PCDHA3: variants seen among roughly 807,000 people sequenced by gnomAD.
PCDHA3 encodes the protein protocadherin alpha-3.
PCDHA3 carries 41 observed loss-of-function variants against 62.2 expected under a neutral mutation model. The observed-to-expected ratio is 0.66, with a 90% CI of 0.51 to 0.86. The LOEUF (loss-of-function observed/expected upper bound fraction) is 0.86. Among genes scored for constraint, PCDHA3 ranks in the 40% least tolerant of loss-of-function variants. The pLI is 0.00. For synonymous variants in PCDHA3, 640 were observed against 555.4 expected (o/e 1.15, Z -2.14); for missense variants, 1,304 against 1,241.2 (o/e 1.05, Z -0.76).
intron 1 of PCDHA3, among the ~76,000 whole-genome samples, chr5:140,937,761 A>C (rs868923892): frequency 6.6e-6 from 1 of 151,650 alleles, no homozygotes; most frequent in Non-Finnish European, 1.5e-5. Flanking sequence ...AAATACAAAA[A>C]ATTAGTCGGG....
At chr5:140,828,229 C>A in intron 1 of PCDHA3, 1 of 1,613,968 alleles carries the variant, frequency 6.2e-7, no homozygotes, top group Non-Finnish European at 8.5e-7. Context: ...CCTTCGTGGG[C>A]CGGATCGCGC....
At chr5:140,967,519 C>T (rs147791062) in intron 1 of PCDHA3, 1 of 1,612,804 alleles carries the variant, frequency 6.2e-7, no homozygotes, top group Non-Finnish European at 8.5e-7. Flanking sequence ...TGGACACTAA[C>T]GACAACTCTC....
chr5:140,857,959 T>G, intron 1 of PCDHA3: 1 of 1,597,228 alleles, frequency 6.3e-7, no homozygotes, highest in Non-Finnish European at 8.6e-7. Context: ...GCGCTCTGGA[T>G]GAGACTGACT....
intron 1 of PCDHA3, among the ~76,000 whole-genome samples, chr5:140,934,191 C>T (rs563342404): frequency 6.6e-6 from 1 of 152,224 alleles, no homozygotes; most frequent in African/African-American, 2.4e-5. Flanking sequence ...ACATACTTTT[C>T]ATTTCTATTT....
At chr5:140,808,138 A>G in intron 1 of PCDHA3, 1 of 1,614,100 alleles carries the variant, frequency 6.2e-7, no homozygotes, top group Non-Finnish European at 8.5e-7. Context: ...AATCCTATGA[A>G]ATTATTGTAG....
chr5:140,853,741 G>C, intron 1 of PCDHA3: 1 of 988,438 alleles, frequency 1.0e-6, no homozygotes, highest in East Asian at 1.1e-4. Flanking sequence ...TGAATGTTCT[G>C]GTTCAAGGCT....
chr5:140,884,764 T>C (rs2060348326), intron 1 of PCDHA3: 1 of 1,417,012 alleles, frequency 7.1e-7, no homozygotes, highest in Non-Finnish European at 9.3e-7. Flanking sequence ...TATTCTTTAC[T>C]TTAATTTTAA....
At chr5:140,880,514 T>A (rs2058367516) in intron 1 of PCDHA3, among the ~76,000 whole-genome samples, 1 of 152,198 alleles carries the variant, frequency 6.6e-6, no homozygotes, top group African/African-American at 2.4e-5. Context: ...TTTGGTCACA[T>A]CTCTCAATGT....
Position 140,842,124 on chromosome 5 carries a change from A to T in PCDHA3, c.2394+38533A>T, listed in dbSNP as rs2150329759. The T allele has an allele frequency of 4.0e-5, 65 of 1,613,768 alleles. 1 individual carries two copies. The highest frequency in any genetic ancestry group is 2.8e-4 in the Admixed American group (17 of 59,988). The stretch of plus-strand genomic sequence containing the variant: ...ACAGTTATCAAACTGAATGCTTCTG[A>T]TCCGGATGAAGGAGCCAATGGGGCA... On this transcript the variant is annotated intron_variant, in intron 1 of 3. Coordinates refer to ENST00000522353, the MANE Select transcript of PCDHA3 (RefSeq NM_018906.3).
At chr5:140,880,068 A>G (rs2058226577) in intron 1 of PCDHA3, among the ~76,000 whole-genome samples, 1 of 152,252 alleles carries the variant, frequency 6.6e-6, no homozygotes, top group South Asian at 2.1e-4. Flanking sequence ...TTTGGGGACC[A>G]CAATTCAACC....
rs200693140 is a variant in PCDHA3, at chr5:140,850,298, G to A, written c.2394+46707G>A. 1.0e-5 allele frequency: 16 copies of A among 1,596,354 alleles called. 2 individuals are homozygous for A. The South Asian group carries it at 1.3e-4, about 13-fold the overall frequency. On this transcript the variant is annotated intron_variant, in intron 1 of 3. Coordinates refer to ENST00000522353, the MANE Select transcript of PCDHA3 (RefSeq NM_018906.3). Reference sequence around the variant, plus strand: ...AGGTGCGCGCAGTGGACGCCGACTCGGGCTACAACGCGTGGCTTTCATACG... The same window carrying A: ...AGGTGCGCGCAGTGGACGCCGACTCAGGCTACAACGCGTGGCTTTCATACG...
At chr5:140,824,207 A>C (rs2150133206) in intron 1 of PCDHA3, 34 of 1,587,454 alleles carry the variant, frequency 2.1e-5, no homozygotes, top group Non-Finnish European at 1.8e-5. Context: ...CTTTTTTTGT[A>C]TTTAAAAATT....
chr5:140,997,817 A>G (rs570760153), intron 3 of PCDHA3, among the ~76,000 whole-genome samples: 2 of 152,306 alleles, frequency 1.3e-5, no homozygotes, highest in South Asian at 4.1e-4. Flanking sequence ...GTTGGTATCT[A>G]TGTTTTCTAA....
intron 1 of PCDHA3, among the ~76,000 whole-genome samples, chr5:140,910,952 G>A (rs1188072199): frequency 3.3e-5 from 5 of 152,082 alleles, no homozygotes; most frequent in African/African-American, 1.2e-4. Context: ...TTCTTTTCGA[G>A]TGTAGCACAC....
At chr5:140,849,840 AACG>A in intron 1 of PCDHA3, 4 of 1,598,334 alleles carry the variant, frequency 2.5e-6, no homozygotes, top group Non-Finnish European at 3.4e-6. Flanking sequence ...GGCCGACGTG[AACG>A]ACAACGCACC....
chr5:140,998,446 T>C (rs1266567801), intron 3 of PCDHA3, among the ~76,000 whole-genome samples: 1 of 152,248 alleles, frequency 6.6e-6, no homozygotes, highest in African/African-American at 2.4e-5. Flanking sequence ...TTATTGTATT[T>C]ATTCATTTAC....
chr5:140,857,558 T>A (rs782138602), intron 1 of PCDHA3: 1 of 1,596,966 alleles, frequency 6.3e-7, no homozygotes, highest in Non-Finnish European at 8.6e-7. Flanking sequence ...GCGCTCGCTG[T>A]CGAGCTACGT....
chr5:140,847,794 A>G (rs1581138286), intron 1 of PCDHA3: 1 of 149,890 alleles, frequency 6.7e-6, no homozygotes, highest in Admixed American at 6.7e-5. Context: ...GCAATATTTT[A>G]TACCTTTTCA....
chr5:140,915,937 G>A (rs782632336), intron 1 of PCDHA3, among the ~76,000 whole-genome samples: 7 of 152,104 alleles, frequency 4.6e-5, no homozygotes, highest in African/African-American at 7.2e-5. Flanking sequence ...GTCAGGGATT[G>A]GAGTCAAAAT....
Sources: gnomAD v4.1 joint callset for allele counts (sites outside exome capture counted in the v4.1 genomes callset) on GRCh38, gnomAD v4.1.1 for gene constraint, MANE v1.5 for transcripts, NCBI Gene and HGNC (gene_info 2026-07-23, HGNC 2026-07-21) for gene names.